NRXN1: variants seen among roughly 807,000 people sequenced by gnomAD.
NRXN1 encodes the protein neurexin 1, also known as neurexin-1.
Under a neutral mutation model 150.9 loss-of-function variants are expected in NRXN1, and 39 were observed. The ratio of observed to expected loss-of-function variants is 0.26; its 90% CI spans 0.20 to 0.34. The LOEUF (loss-of-function observed/expected upper bound fraction) is 0.34. Among genes scored for constraint, NRXN1 ranks in the 10% least tolerant of loss-of-function variants. NRXN1 has a pLI of 1.00. For synonymous variants in NRXN1, 924 were observed against 757.0 expected, an observed-to-expected ratio of 1.22 and a Z score of -3.62; for missense variants, 1,815 against 1,949.9, an observed-to-expected ratio of 0.93 and a Z score of 1.30.
In NRXN1 at chr2:50,831,591, T is replaced by C. The variant is rs138738558; in HGVS notation, c.832+90278A>G. On this transcript the variant is annotated intron_variant, in intron 5 of 22. Coordinates refer to ENST00000401669, the MANE Select transcript of NRXN1 (RefSeq NM_001330078.2). ...GTTTGTCAAAGTTCTTCAGAGTGTATAAATATGTTAAGATATGTACACATT... is the reference window on the plus strand; with the variant it reads ...GTTTGTCAAAGTTCTTCAGAGTGTACAAATATGTTAAGATATGTACACATT... Among the ~76,000 whole-genome samples the C allele has an allele frequency of 3.1e-3, 469 of 152,326 alleles. 3 individuals are homozygous for C. Among genetic ancestry groups the C allele is most frequent in the Non-Finnish European group, 3.7e-3 (249 of 68,036 alleles).
At chr2:50,634,753 G>T (rs1046253535) in intron 5 of NRXN1, among the ~76,000 whole-genome samples, 9 of 152,204 alleles carry the variant, frequency 5.9e-5, no homozygotes, top group African/African-American at 2.2e-4. Flanking sequence ...GCCCCCTCAA[G>T]ACCTGGCCCT....
chr2:50,584,173 T>C lies in NRXN1; in HGVS notation c.1321-31148A>G, dbSNP rs545932727. 2.0e-5 allele frequency among the ~76,000 whole-genome samples: 3 copies of C among 152,298 alleles called. No homozygotes were observed. The South Asian group carries it at 6.2e-4, about 32-fold the overall frequency. ...TGTCTTTGAATTAGGAGAGAAATAATTTCACCATAAATCCCCAAAGATAAT... is the reference window on the plus strand; with the variant it reads ...TGTCTTTGAATTAGGAGAGAAATAACTTCACCATAAATCCCCAAAGATAAT... On this transcript the variant is annotated intron_variant, in intron 8 of 22. Transcript: ENST00000401669.
At chr2:50,150,772 G>C (rs1349609036) in intron 18 of NRXN1, among the ~76,000 whole-genome samples, 2 of 151,640 alleles carry the variant, frequency 1.3e-5, no homozygotes, top group Non-Finnish European at 3.0e-5. Context: ...TCCAAATGGA[G>C]CCCATAGGGA....
intron 18 of NRXN1, among the ~76,000 whole-genome samples, chr2:50,232,126 C>T (rs1195212344): frequency 6.6e-6 from 1 of 151,888 alleles, no homozygotes; most frequent in Non-Finnish European, 1.5e-5. Flanking sequence ...CCAAGAAATA[C>T]CAGTCATTTG....
chr2:50,867,831 AG>A (rs1346489826), intron 5 of NRXN1, among the ~76,000 whole-genome samples: 16 of 151,822 alleles, frequency 1.1e-4, no homozygotes, highest in Admixed American at 4.6e-4. Context: ...AATTTTCTGA[AG>A]TATTTTTGAC....
chr2:49,922,995 T>C (rs1257126642), intron 22 of NRXN1, among the ~76,000 whole-genome samples: 1 of 152,166 alleles, frequency 6.6e-6, no homozygotes, highest in African/African-American at 2.4e-5. Flanking sequence ...CTGAACTACC[T>C]AATAGATTAG....
intron 5 of NRXN1, among the ~76,000 whole-genome samples, chr2:50,848,970 G>C (rs1408032635): frequency 6.6e-6 from 1 of 152,160 alleles, no homozygotes; most frequent in African/African-American, 2.4e-5. Context: ...CCCACATACA[G>C]CGCCTTCTCT....
intron 5 of NRXN1, among the ~76,000 whole-genome samples, chr2:50,894,544 T>C (rs1029449769): frequency 1.3e-5 from 2 of 152,008 alleles, no homozygotes; most frequent in South Asian, 2.1e-4. Context: ...AAAGAAATAG[T>C]TGAAATTATA....
intron 17 of NRXN1, among the ~76,000 whole-genome samples, chr2:50,313,343 G>A (rs1380362773): frequency 6.6e-6 from 1 of 152,050 alleles, no homozygotes; most frequent in Non-Finnish European, 1.5e-5. Context: ...TTGCTCCTCT[G>A]AGTGCCTAGG....
Position 50,623,615 on chromosome 2 carries a change from C to T in NRXN1, c.833G>A (p.Gly278Glu), listed in dbSNP as rs1207537332. 1 of 1,605,802 alleles carries T rather than the reference C, an allele frequency of 6.2e-7. No homozygotes were observed. The highest frequency in any genetic ancestry group is 8.5e-7 in the Non-Finnish European group (1 of 1,173,990). Residue 278 changes from glycine to glutamate, a missense_variant and splice_region_variant, in exon 6 of 23, where the codon GGA becomes GAA. Around this residue, in one of 6 missense-constraint regions of NRXN1, gnomAD observed 554 missense variants for 478.8 expected, o/e 1.16. Transcript: ENST00000401669. ...LMMGDQGKSK[G>E]KEEYIATFKG... The stretch of plus-strand genomic sequence containing the variant: ...GAACGTGGCAATATATTCTTCTTTT[C>T]CTAGAGGAAAACAGATGATACATAC...
chr2:50,841,828 T>C (rs1005249130), intron 5 of NRXN1, among the ~76,000 whole-genome samples: 1 of 152,184 alleles, frequency 6.6e-6, no homozygotes, highest in Non-Finnish European at 1.5e-5. Context: ...TTGTATTACA[T>C]AACTATTTAC....
At chr2:50,914,151 G>A (rs558730580) in intron 5 of NRXN1, among the ~76,000 whole-genome samples, 9 of 151,770 alleles carry the variant, frequency 5.9e-5, no homozygotes, top group Admixed American at 5.9e-4. Context: ...TATGGCTTAG[G>A]ACAGCCGGCT....
At chr2:50,606,619 A>AATC (rs1043731502) in intron 8 of NRXN1, among the ~76,000 whole-genome samples, 2 of 150,478 alleles carry the variant, frequency 1.3e-5, no homozygotes, top group Admixed American at 1.3e-4. Context: ...TAATAATAAT[A>AATC]ATAATAATAA....
chr2:51,006,327 T>C (rs1232383945), intron 2 of NRXN1, among the ~76,000 whole-genome samples: 2 of 145,298 alleles, frequency 1.4e-5, no homozygotes, highest in African/African-American at 5.2e-5. Flanking sequence ...TTCTCACTCA[T>C]AGGTGGGAAT....
At chr2:50,037,393 C>G (rs1690205330) in intron 21 of NRXN1, among the ~76,000 whole-genome samples, 1 of 152,134 alleles carries the variant, frequency 6.6e-6, no homozygotes, top group Non-Finnish European at 1.5e-5. Flanking sequence ...TCCTCTCCTT[C>G]TAACACTACT....
intron 19 of NRXN1, among the ~76,000 whole-genome samples, chr2:50,090,824 T>C (rs897800937): frequency 1.3e-5 from 2 of 152,172 alleles, no homozygotes; most frequent in Non-Finnish European, 2.9e-5. Context: ...TGATTTATGC[T>C]ACTATTGTTT....
intron 15 of NRXN1, among the ~76,000 whole-genome samples, chr2:50,479,080 T>A (rs2090230489): frequency 6.6e-6 from 1 of 152,220 alleles, no homozygotes; most frequent in Non-Finnish European, 1.5e-5. Context: ...AAATTAAGTC[T>A]AAGGCTCAGC....
intron 17 of NRXN1, among the ~76,000 whole-genome samples, chr2:50,328,953 A>AC (rs1373555332): frequency 1.3e-5 from 2 of 151,868 alleles, no homozygotes; most frequent in Non-Finnish European, 2.9e-5. Flanking sequence ...CTAGCTCAAT[A>AC]CCCCCTGCCT....
chr2:50,771,416 T>C lies in NRXN1; in HGVS notation c.833-147801A>G, dbSNP rs188938381. Among the ~76,000 whole-genome samples the C allele has an allele frequency of 1.6e-3, 243 of 152,268 alleles. 2 individuals carry two copies. Among genetic ancestry groups the C allele is most frequent in the African/African-American group, 5.4e-3 (224 of 41,578 alleles). On this transcript the variant is annotated intron_variant, in intron 5 of 22. Transcript: ENST00000401669. ...TTGCCTAGATAGAAATAACACATGA[T>C]ACTTTTTATAAAATAGGAATTGAGA...
Sources: gnomAD v4.1 joint callset for allele counts (sites outside exome capture counted in the v4.1 genomes callset) on GRCh38, gnomAD v4.1.1 for gene constraint, gnomAD v4.1.1 regional missense constraint, MANE v1.5 for transcripts, NCBI Gene and HGNC (gene_info 2026-07-23, HGNC 2026-07-21) for gene names.